ZNF836: variants seen among roughly 807,000 people sequenced by gnomAD.
ZNF836 encodes zinc finger protein 836.
In ZNF836, 12 loss-of-function variants were observed where a neutral mutation model predicts 7.4. The observed-to-expected ratio is 1.61, with a 90% confidence interval of 1.03 to 2.61. The LOEUF is 2.61. Among genes scored for constraint, ZNF836 ranks in the 30% most tolerant of loss-of-function variants. The pLI is 0.00. For synonymous variants in ZNF836, 365 were observed against 382.6 expected (o/e 0.95, Z 0.54); for missense variants, 998 against 1,126.2 (o/e 0.89, Z 1.63).
At chr19:52,157,646 C>T (rs2089178507) in intron 4 of ZNF836, 106 bp from the exon 5 acceptor site, 1 of 1,081,082 alleles carries the variant, frequency 9.2e-7, no homozygotes, top group South Asian at 2.3e-5. Flanking sequence ...TCTCAGCTCA[C>T]TGTGACCTCC....
rs1314452759 is a variant in ZNF836 at position 52,155,601 on chromosome 19, G to A, written c.2082C>T (p.Tyr694=). Residue 694 remains tyrosine (Y), a synonymous_variant, in exon 5 of 5, where the codon TAC becomes TAT. Coordinates refer to ENST00000682614, the MANE Select transcript of ZNF836 (RefSeq NM_001102657.3). ...ATGCCCCTCCAAACTCATTACAATT[G>A]TAAGGTTTCTCTCCAGTATGAATTA... ...HLIIHTGEKP[Y]NCNEFGGAFI... 2 of 1,613,994 alleles carry A rather than the reference G, an allele frequency of 1.2e-6. No homozygotes were observed. Among genetic ancestry groups the A allele is most frequent in the Admixed American group, 1.7e-5 (1 of 60,010 alleles).
chr19:52,166,748 T>A (rs919461729), intron 3 of ZNF836, among the ~76,000 whole-genome samples: 8 of 151,586 alleles, frequency 5.3e-5, no homozygotes, highest in African/African-American at 9.7e-5. Context: ...TAATTTTTTT[T>A]TTTTTATTTT....
At chr19:52,165,843 C>G (rs997703535) in intron 3 of ZNF836, among the ~76,000 whole-genome samples, 13 of 152,192 alleles carry the variant, frequency 8.5e-5, no homozygotes, top group African/African-American at 3.1e-4. Context: ...TAACTCTTTG[C>G]ATTTCCATTT....
chr19:52,167,455 A>G (rs2089275017), intron 3 of ZNF836, among the ~76,000 whole-genome samples: 1 of 146,098 alleles, frequency 6.8e-6, no homozygotes, highest in South Asian at 2.2e-4. Context: ...CTGGGCAACA[A>G]GAACGAAACT....
intron 3 of ZNF836, among the ~76,000 whole-genome samples, chr19:52,166,951 T>C (rs963778735): frequency 6.6e-6 from 1 of 151,740 alleles, no homozygotes; most frequent in Non-Finnish European, 1.5e-5. Flanking sequence ...TTATGTGATG[T>C]TTAAAATAAA....
chr19:52,167,019 T>C (rs1277275564), intron 3 of ZNF836, among the ~76,000 whole-genome samples: 2 of 151,954 alleles, frequency 1.3e-5, no homozygotes, highest in Non-Finnish European at 2.9e-5. Context: ...CCATCTTCTC[T>C]AATAACAAAG....
intron 4 of ZNF836, among the ~76,000 whole-genome samples, chr19:52,158,698 G>A (rs974486869): frequency 5.3e-5 from 8 of 152,066 alleles, no homozygotes; most frequent in Non-Finnish European, 8.8e-5. Flanking sequence ...AGCTGAGATC[G>A]CGCCACAGCA....
At chr19:52,160,671 C>A in intron 3 of ZNF836, 80 bp from the exon 4 acceptor site, 1 of 1,482,460 alleles carries the variant, frequency 6.7e-7, no homozygotes, top group South Asian at 1.4e-5. Flanking sequence ...AGAGAACTGT[C>A]ACATCAATTT....
chr19:52,166,887 C>T (rs2089269863), intron 3 of ZNF836, among the ~76,000 whole-genome samples: 2 of 151,782 alleles, frequency 1.3e-5, no homozygotes, highest in South Asian at 4.2e-4. Flanking sequence ...CCTGTACCAA[C>T]TTCTTAATGC....
intron 1 of ZNF836, chr19:52,171,017 G>A (rs2089303584): frequency 6.6e-6 from 1 of 152,160 alleles, no homozygotes; most frequent in Non-Finnish European, 1.5e-5. Flanking sequence ...AGGTGGCAGG[G>A]GGTACGGTGT....
At chr19:52,166,868 C>T (rs1376281498) in intron 3 of ZNF836, among the ~76,000 whole-genome samples, 3 of 151,668 alleles carry the variant, frequency 2.0e-5, no homozygotes, top group South Asian at 2.1e-4. Flanking sequence ...CGTGAGCCAC[C>T]GCGCCCGGCC....
Position 52,156,104 on chromosome 19 carries a change from G to A in ZNF836, c.1579C>T (p.Gln527Ter). The change falls in exon 5 of 5, where the codon CAA becomes TAA. Residue 527 changes from glutamine (Q) to a stop codon, truncating the protein, a stop_gained. Transcript: ENST00000682614. LOFTEE classifies it low-confidence loss of function (END_TRUNC). Reference sequence around the variant, plus strand: ...AAGACCTTTCCACATTCACCGCATTGGTAACGTTTCTCTCTGGTATGAATT... The same window carrying A: ...AAGACCTTTCCACATTCACCGCATTAGTAACGTTTCTCTCTGGTATGAATT... ...KIIHTREKRYQCGECGKVFSE... is the reference protein window; with the variant it reads ...KIIHTREKRY 6.2e-7 allele frequency: 1 copy of A among 1,613,978 alleles called. No homozygotes were observed. The highest frequency in any genetic ancestry group is 8.5e-7 in the Non-Finnish European group (1 of 1,179,898).
chr19:52,170,716 C>T (rs1454199870), intron 1 of ZNF836, among the ~76,000 whole-genome samples: 2 of 151,994 alleles, frequency 1.3e-5, no homozygotes, highest in African/African-American at 4.8e-5. Context: ...TCCATTTTGC[C>T]GTGTATTTAT....
intron 1 of ZNF836, chr19:52,170,478 C>T (rs1377590950): frequency 6.6e-6 from 1 of 152,574 alleles, no homozygotes; most frequent in African/African-American, 2.4e-5. Context: ...CTCTTTCAGT[C>T]CCAGCACCAC....
chr19:52,162,384 G>T (rs549932453), intron 3 of ZNF836, among the ~76,000 whole-genome samples: 1 of 152,318 alleles, frequency 6.6e-6, no homozygotes, highest in African/African-American at 2.4e-5. Flanking sequence ...GGATCTCTGA[G>T]GCATTCTTTG....
At chr19:52,166,660 A>C (rs561355741) in intron 3 of ZNF836, among the ~76,000 whole-genome samples, 1 of 138,226 alleles carries the variant, frequency 7.2e-6, no homozygotes, top group African/African-American at 2.7e-5. Context: ...TGCAAGCTCC[A>C]CCTCCTGGGT....
In ZNF836 at chr19:52,155,123, T is replaced by C; in HGVS notation, c.2560A>G (p.Arg854Gly). Residue 854 changes from arginine (R) to glycine (G), a missense_variant, in exon 5 of 5, where the codon AGA becomes GGA. Physicochemically the swap from Arg to Gly is moderately radical, Grantham distance 125 (BLOSUM62 -2). Coordinates refer to ENST00000682614, the MANE Select transcript of ZNF836 (RefSeq NM_001102657.3). ...TATGGCTTCTCTCCAGTGTGATTTC[T>C]TTGATGGTACACCAGCTTTGACCTT... The part of the protein sequence containing the change: ...IERSKLVYHQ[R>G]NHTGEKPYKC... 6.2e-7 allele frequency: 1 copy of C among 1,614,176 alleles called. No individual in the cohort carries two copies.
In ZNF836 at chr19:52,156,023, A is replaced by G; in HGVS notation, c.1660T>C (p.Tyr554His). ...HLRIHTGEQPYKCNVCGKVFN... is the reference protein window; with the variant it reads ...HLRIHTGEQPHKCNVCGKVFN... ...ACCTTGCCACACACATTACATTTGTAAGGTTGCTCCCCAGTATGAATTCTT... is the reference window on the plus strand; with the variant it reads ...ACCTTGCCACACACATTACATTTGTGAGGTTGCTCCCCAGTATGAATTCTT... Residue 554 changes from tyrosine to histidine, a missense_variant, in exon 5 of 5, where the codon TAC (tyrosine) becomes CAC (histidine). Coordinates refer to ENST00000682614, the MANE Select transcript of ZNF836 (RefSeq NM_001102657.3). 6.2e-7 allele frequency: 1 copy of G among 1,614,070 alleles called. No individual in the cohort carries two copies. The highest frequency in any genetic ancestry group is 8.5e-7 in the Non-Finnish European group (1 of 1,179,902).
In ZNF836 at chr19:52,155,268, A is replaced by T; in HGVS notation, c.2415T>A (p.Pro805=). 1 of 1,613,920 alleles carries T rather than the reference A, an allele frequency of 6.2e-7. No homozygotes were observed. Among genetic ancestry groups the T allele is most frequent in the South Asian group, 1.1e-5 (1 of 91,076 alleles). ...RHRSIHTGEK[P]YVCNECGKAF... ...CTTTGCCACACTCATTACACACGTA[A>T]GGTTTCTCTCCAGTATGAATACTCC... Residue 805 remains proline, a synonymous_variant, in exon 5 of 5, where the codon CCT becomes CCA. Coordinates refer to ENST00000682614, the MANE Select transcript of ZNF836 (RefSeq NM_001102657.3).
Sources: gnomAD v4.1 joint callset for allele counts (sites outside exome capture counted in the v4.1 genomes callset) on GRCh38, gnomAD v4.1.1 for gene constraint, MANE v1.5 for transcripts, NCBI Gene and HGNC (gene_info 2026-07-23, HGNC 2026-07-21) for gene names.